The following TDP1 variants were observed in gnomAD, a reference collection of about 807,000 sequenced individuals.
TDP1 encodes the protein tyrosyl-DNA phosphodiesterase 1, also known as tyr-DNA phosphodiesterase 1.
In TDP1, 64 loss-of-function variants were observed where a neutral mutation model predicts 81.5. That is an observed-to-expected ratio of 0.79 (90% CI 0.64 to 0.97). The LOEUF is 0.97. Ranked by LOEUF, TDP1 falls within the 50% of genes least tolerant of loss-of-function variation. TDP1 has a pLI of 0.00. For missense variants in TDP1, 723 were observed against 743.8 expected, an observed-to-expected ratio of 0.97 and a Z score of 0.33; for synonymous variants, 256 against 264.3, an observed-to-expected ratio of 0.97 and a Z score of 0.30.
intron 6 of TDP1, among the ~76,000 whole-genome samples, chr14:89,971,518 T>A (rs969868866): frequency 1.3e-5 from 2 of 152,240 alleles, no homozygotes; most frequent in African/African-American, 4.8e-5. Flanking sequence ...TCATTGGTCT[T>A]AATTTTCCCC....
chr14:90,019,182 C>A, intron 14 of TDP1, 134 bp from the exon 15 acceptor site: 1 of 1,342,902 alleles, frequency 7.4e-7, no homozygotes, highest in Non-Finnish European at 1.0e-6. Context: ...AAAAATGCAG[C>A]AACTCTGCTA....
rs35386967 is a variant in TDP1, at chr14:89,984,923, T to C, written c.1053-209T>C. The C allele has an allele frequency of 4.8e-4, 468 of 984,560 alleles. 4 individuals carry two copies. In the African/African-American group the frequency reaches 7.6e-3, roughly 16 times the overall value. 61.0% of individuals were successfully genotyped at this position (984,560 alleles called of 1,614,324 possible). ...TCCCACTGGGTTACTCTCACAATTATTGAGTTCTTTGTCTGGTACTTTACA... is the reference window on the plus strand; with the variant it reads ...TCCCACTGGGTTACTCTCACAATTACTGAGTTCTTTGTCTGGTACTTTACA... On this transcript the variant is annotated intron_variant, in intron 9 of 16. Transcript: ENST00000335725.
chr14:90,011,746 T>TA (rs1170825115), intron 14 of TDP1, among the ~76,000 whole-genome samples: 1 of 152,226 alleles, frequency 6.6e-6, no homozygotes, highest in Non-Finnish European at 1.5e-5. Context: ...TGGGTGCTCT[T>TA]AAAGGCATAC....
At chr14:89,980,431 A>T in intron 7 of TDP1, 109 bp from the exon 8 acceptor site, 1 of 1,412,966 alleles carries the variant, frequency 7.1e-7, no homozygotes, top group Non-Finnish European at 9.7e-7. Flanking sequence ...TTTGGGTAAT[A>T]TGAGAGTTTA....
chr14:90,036,723 A>T (rs1011772492), intron 16 of TDP1, among the ~76,000 whole-genome samples: 3 of 152,058 alleles, frequency 2.0e-5, no homozygotes, highest in African/African-American at 7.2e-5. Context: ...CCTTACTCTC[A>T]TCAAACTTAC....
intron 6 of TDP1, 200 bp from the exon 7 acceptor site, chr14:89,975,581 G>GTGTTTTTTTTTTTTTTTTTTTTTTT: frequency 3.9e-6 from 1 of 256,994 alleles, no homozygotes; most frequent in Admixed American, 1.2e-4. Flanking sequence ...CAAAATTTGT[G>GTGTTTTTTTTTTTTTTTTTTTTTTT]TTTTTTTTTT....
At chr14:90,029,288 T>C (rs1006286450) in intron 15 of TDP1, among the ~76,000 whole-genome samples, 1 of 150,788 alleles carries the variant, frequency 6.6e-6, no homozygotes, top group Non-Finnish European at 1.5e-5. Flanking sequence ...ACCTCCGCCT[T>C]CTGGGTTCAA....
chr14:89,972,008 A>G (rs564434364), intron 6 of TDP1, among the ~76,000 whole-genome samples: 3 of 152,288 alleles, frequency 2.0e-5, no homozygotes, highest in East Asian at 3.9e-4. Flanking sequence ...GCTGTGTATG[A>G]TCTAAGTCCA....
At chr14:90,010,458 G>T (rs569313360) in intron 14 of TDP1, among the ~76,000 whole-genome samples, 1 of 152,216 alleles carries the variant, frequency 6.6e-6, no homozygotes, top group South Asian at 2.1e-4. Flanking sequence ...TGGCAAAGGG[G>T]AATTAAGGCA....
chr14:90,008,639 A>G (rs552913257), intron 14 of TDP1, among the ~76,000 whole-genome samples: 1 of 152,388 alleles, frequency 6.6e-6, no homozygotes, highest in South Asian at 2.1e-4. Flanking sequence ...TAGATGCTGC[A>G]TATTAGCTGC....
At chr14:90,017,124 T>C (rs1885405486) in intron 14 of TDP1, among the ~76,000 whole-genome samples, 1 of 152,098 alleles carries the variant, frequency 6.6e-6, no homozygotes, top group African/African-American at 2.4e-5. Flanking sequence ...GCTAGAACTC[T>C]TTGGAGTTGT....
Position 90,019,348 on chromosome 14 carries a change from T to C in TDP1, c.1574T>C (p.Leu525Ser), listed in dbSNP as rs767405639. The C allele has an allele frequency of 1.9e-6, 3 of 1,612,830 alleles. No individual in the cohort carries two copies. In the South Asian group the frequency reaches 3.3e-5, roughly 18 times the overall value. The stretch of plus-strand genomic sequence containing the variant: ...CTGTCCAAGGCTGCCTGGGGAGCAT[T>C]GGAGAAGAATGGCACCCAGCTGATG... ...ANLSKAAWGA[L>S]EKNGTQLMIR... is the part of the protein sequence containing the mutation. Residue 525 changes from leucine (L) to serine (S), a missense_variant, in exon 15 of 17, where the codon TTG (leucine) becomes TCG (serine). Physicochemically the swap from Leu to Ser is moderately radical, Grantham distance 145. Transcript: ENST00000335725.
intron 14 of TDP1, among the ~76,000 whole-genome samples, chr14:89,993,748 A>T (rs1016786676): frequency 3.3e-5 from 5 of 152,198 alleles, no homozygotes; most frequent in African/African-American, 1.2e-4. Flanking sequence ...TAATACCTCA[A>T]TAGGGGTTAT....
chr14:90,039,283 C>T (rs763085346), intron 16 of TDP1, among the ~76,000 whole-genome samples: 8 of 152,132 alleles, frequency 5.3e-5, no homozygotes, highest in Non-Finnish European at 1.0e-4. Context: ...GTGCAAAACA[C>T]TTTGGAGCTC....
intron 16 of TDP1, among the ~76,000 whole-genome samples, chr14:90,034,833 C>T (rs1316771635): frequency 6.6e-6 from 1 of 152,194 alleles, no homozygotes; most frequent in Non-Finnish European, 1.5e-5. Context: ...CCAAGCTTGG[C>T]CTTGCCCAGT....
intron 2 of TDP1, among the ~76,000 whole-genome samples, chr14:89,958,964 T>C (rs974009840): frequency 4.6e-5 from 7 of 152,238 alleles, no homozygotes; most frequent in Non-Finnish European, 8.8e-5. Context: ...AACAAAATTG[T>C]TGGTGCCTGC....
At chr14:90,020,733 G>A (rs1379916778) in intron 15 of TDP1, among the ~76,000 whole-genome samples, 2 of 143,166 alleles carry the variant, frequency 1.4e-5, no homozygotes, top group Admixed American at 7.1e-5. Flanking sequence ...ACACCAACTG[G>A]ACCAGATGAT....
intron 15 of TDP1, among the ~76,000 whole-genome samples, chr14:90,021,487 A>T (rs907495194): frequency 6.6e-6 from 1 of 152,208 alleles, no homozygotes; most frequent in African/African-American, 2.4e-5. Flanking sequence ...TCTGACCATG[A>T]AAATGCTGAT....
intron 15 of TDP1, among the ~76,000 whole-genome samples, chr14:90,026,859 T>C (rs1301296337): frequency 5.3e-5 from 8 of 152,240 alleles, no homozygotes; most frequent in South Asian, 2.1e-4. Flanking sequence ...CAGTCTATCA[T>C]TGATGGACAT....
Sources: allele counts gnomAD v4.1 joint callset (sites outside exome capture counted in the v4.1 genomes callset), GRCh38; gene constraint gnomAD v4.1.1; transcripts MANE v1.5; gene names NCBI Gene and HGNC (gene_info 2026-07-23, HGNC 2026-07-21).